The following NECTIN1 variants were observed in gnomAD, a reference collection of about 807,000 sequenced individuals.
NECTIN1 encodes the protein nectin cell adhesion molecule 1.
NECTIN1 carries 23 observed loss-of-function variants against 48.0 expected under a neutral mutation model. The observed-to-expected ratio is 0.48, with a 90% CI of 0.34 to 0.68. The LOEUF is 0.68. Among genes scored for constraint, NECTIN1 ranks in the 30% least tolerant of loss-of-function variants. The probability of loss-of-function intolerance (pLI) is 0.01; values close to 1 mark genes in which losing one functional copy is unlikely to be tolerated. For synonymous variants in NECTIN1, 270 were observed against 288.9 expected, an observed-to-expected ratio of 0.93 and a Z score of 0.66; for missense variants, 591 against 709.9, an observed-to-expected ratio of 0.83 and a Z score of 1.90.
At chr11:119,690,575 C>T (rs573631531) in intron 1 of NECTIN1, among the ~76,000 whole-genome samples, 3 of 152,304 alleles carry the variant, frequency 2.0e-5, no homozygotes, top group Admixed American at 6.5e-5. Flanking sequence ...GCAGCGCTGC[C>T]GGAGGTAGGC....
At chr11:119,717,267 G>A (rs868106804) in intron 1 of NECTIN1, among the ~76,000 whole-genome samples, 46 of 152,332 alleles carry the variant, frequency 3.0e-4, no homozygotes, top group Middle Eastern at 3.4e-3. Flanking sequence ...GAGGCAGGCC[G>A]GGAGCAGGGG....
intron 5 of NECTIN1, among the ~76,000 whole-genome samples, chr11:119,655,758 G>A (rs994412503): frequency 1.3e-5 from 2 of 152,126 alleles, no homozygotes; most frequent in African/African-American, 2.4e-5. Context: ...AATTTTGTCC[G>A]CATAGAAGGG....
intron 1 of NECTIN1, among the ~76,000 whole-genome samples, chr11:119,699,268 G>A (rs78139828): frequency 1.8e-4 from 27 of 152,336 alleles, no homozygotes; most frequent in Non-Finnish European, 2.9e-4. Context: ...CAGTGCTGGA[G>A]CTTTGACCTG....
intron 1 of NECTIN1, among the ~76,000 whole-genome samples, chr11:119,694,809 G>A (rs945374781): frequency 1.2e-4 from 19 of 152,144 alleles, no homozygotes; most frequent in Admixed American, 1.3e-4. Context: ...CTGAACCCAG[G>A]TGTCCTGCTG....
chr11:119,710,882 C>T (rs1565400892), intron 1 of NECTIN1, among the ~76,000 whole-genome samples: 1 of 152,094 alleles, frequency 6.6e-6, no homozygotes, highest in Non-Finnish European at 1.5e-5. Flanking sequence ...AACCACACAT[C>T]CACGCACAAC....
At chr11:119,716,842 G>A (rs1462612265) in intron 1 of NECTIN1, among the ~76,000 whole-genome samples, 3 of 152,220 alleles carry the variant, frequency 2.0e-5, no homozygotes, top group South Asian at 2.1e-4. Context: ...AGAAGCAGGC[G>A]CGTGCACACG....
At chr11:119,670,149 G>T (rs1329629105) in intron 5 of NECTIN1, among the ~76,000 whole-genome samples, 1 of 152,004 alleles carries the variant, frequency 6.6e-6, no homozygotes, top group Non-Finnish European at 1.5e-5. Flanking sequence ...AGTAGAGATG[G>T]GGATTTCACC....
intron 5 of NECTIN1, 108 bp downstream of exon 5, chr11:119,675,051 C>T (rs1864923535): frequency 1.5e-6 from 2 of 1,327,644 alleles, no homozygotes; most frequent in Non-Finnish European, 1.1e-6. Flanking sequence ...ACTAGAGAAG[C>T]AGGAAAAGGA....
chr11:119,680,832 C>T (rs186163728), intron 1 of NECTIN1, among the ~76,000 whole-genome samples: 3 of 152,336 alleles, frequency 2.0e-5, no homozygotes, highest in South Asian at 2.1e-4. Flanking sequence ...TGGGGTGCTT[C>T]GGAGCTGATG....
chr11:119,694,321 T>C (rs1865308792), intron 1 of NECTIN1, among the ~76,000 whole-genome samples: 1 of 152,118 alleles, frequency 6.6e-6, no homozygotes, highest in Admixed American at 6.5e-5. Flanking sequence ...AGCAGTGTGA[T>C]CATGGCCCAG....
chr11:119,669,799 T>C (rs952246650), intron 5 of NECTIN1, among the ~76,000 whole-genome samples: 1 of 151,970 alleles, frequency 6.6e-6, no homozygotes, highest in African/African-American at 2.4e-5. Context: ...ACTCCTTTAC[T>C]CTCTTTGGGA....
At chr11:119,711,687 C>T (rs542015727) in intron 1 of NECTIN1, among the ~76,000 whole-genome samples, 69 of 152,246 alleles carry the variant, frequency 4.5e-4, no homozygotes, top group Admixed American at 2.4e-3. Context: ...GGAGCCAAGG[C>T]CGAGGAGTGC....
chr11:119,692,322 C>G (rs556567150), intron 1 of NECTIN1, among the ~76,000 whole-genome samples: 219 of 152,334 alleles, frequency 1.4e-3, no homozygotes, highest in African/African-American at 5.2e-3. Flanking sequence ...TGGCCACCTG[C>G]TTCCCTTCCC....
At chr11:119,688,215 A>G (rs567698835) in intron 1 of NECTIN1, among the ~76,000 whole-genome samples, 10 of 152,300 alleles carry the variant, frequency 6.6e-5, no homozygotes, top group East Asian at 3.9e-4. Flanking sequence ...TGAGGATCCA[A>G]TGAAATAATT....
Position 119,662,767 on chromosome 11 carries a change from C to A in NECTIN1, c.*1980G>T. 1 of 986,556 alleles carries A rather than the reference C, an allele frequency of 1.0e-6. No individual in the cohort carries two copies. The highest frequency in any genetic ancestry group is 4.7e-5 in the South Asian group (1 of 21,290). The allele number at this position is 986,556 out of a possible 1,614,324, so 61.1% of individuals were successfully genotyped here. ...GCTGGGAAAAGCAGCCCAGCTCCTC[C>A]ACCTCCCTCTGCCCTGTGGCTGGAA... On this transcript the variant is annotated 3_prime_UTR_variant, in exon 6 of 6. Coordinates refer to ENST00000264025, the MANE Select transcript of NECTIN1 (RefSeq NM_002855.5). This position sits in a 1 kb window ranked among gnomAD's most constrained non-coding sequence, Gnocchi z 5.3.
Position 119,665,343 on chromosome 11 carries a change from C to CTA in NECTIN1, c.1004-47_1004-46insTA. On this transcript the variant is annotated intron_variant, in intron 5 of 5. Coordinates refer to ENST00000264025, the MANE Select transcript of NECTIN1 (RefSeq NM_002855.5). The surrounding 1 kb of genome is among the most constrained non-coding windows in gnomAD (Gnocchi z 5.1). ...GAGGGGACAGCATCAGCGTGTGCTC[C>CTA]TGGGGTGTAGAGGGGGTGGGAGGGA... 7.2e-7 allele frequency: 1 copy of CTA among 1,382,286 alleles called. No homozygotes were observed. The highest frequency in any genetic ancestry group is 9.7e-7 in the Non-Finnish European group (1 of 1,036,170). 85.6% of individuals were successfully genotyped at this position (1,382,286 alleles called of 1,614,324 possible).
intron 1 of NECTIN1, among the ~76,000 whole-genome samples, chr11:119,679,989 G>T (rs1780127509): frequency 6.6e-6 from 1 of 152,232 alleles, no homozygotes; most frequent in African/African-American, 2.4e-5. Flanking sequence ...ACTCCTCCAA[G>T]GGCAGGGTCT....
intron 4 of NECTIN1, 152 bp downstream of exon 4, chr11:119,676,950 G>A (rs1864961610): frequency 4.3e-6 from 3 of 702,680 alleles, no homozygotes; most frequent in Non-Finnish European, 7.8e-6. Context: ...GTTGGGGGTG[G>A]GGGTTGTTCT....
In NECTIN1 at chr11:119,662,706, T is replaced by C. The variant is rs1306848834; in HGVS notation, c.*2041A>G. The C allele has an allele frequency of 2.4e-5, 24 of 985,224 alleles. No individual in the cohort carries two copies. Among genetic ancestry groups the C allele is most frequent in the Non-Finnish European group, 2.4e-5 (20 of 829,952 alleles). The allele number at this position is 985,224 out of a possible 1,614,324, so 61.0% of individuals were successfully genotyped here. On this transcript the variant is annotated 3_prime_UTR_variant, in exon 6 of 6. Coordinates refer to ENST00000264025, the MANE Select transcript of NECTIN1 (RefSeq NM_002855.5). The surrounding 1 kb of genome is among the most constrained non-coding windows in gnomAD (Gnocchi z 5.3). ...GGTGGGATGGGGCAGTGATGTAATG[T>C]GGAAAAGGTCCCCTGTCCTGGGGGA...
Sources: gnomAD v4.1 joint callset for allele counts (sites outside exome capture counted in the v4.1 genomes callset) on GRCh38, gnomAD v4.1.1 for gene constraint, Gnocchi (gnomAD v3.1) non-coding constraint, MANE v1.5 for transcripts, NCBI Gene and HGNC (gene_info 2026-07-23, HGNC 2026-07-21) for gene names.